Variants in FARS2 observed in about 807,000 individuals in gnomAD.
FARS2 encodes the protein phenylalanyl-tRNA synthetase 2, mitochondrial, also known as phenylalanine--tRNA ligase, mitochondrial.
FARS2 carries 40 observed loss-of-function variants against 46.4 expected under a neutral mutation model. That is an observed-to-expected ratio of 0.86 (90% CI 0.67 to 1.12). The LOEUF (loss-of-function observed/expected upper bound fraction) is 1.12. FARS2 is among the 50% of genes most tolerant of loss of function. FARS2 has a pLI of 0.00. For synonymous variants in FARS2, 234 were observed against 214.9 expected (o/e 1.09, Z -0.78); for missense variants, 513 against 567.9 (o/e 0.90, Z 0.98).
intron 1 of FARS2, among the ~76,000 whole-genome samples, chr6:5,365,009 A>G (rs949221109): frequency 4.6e-5 from 7 of 151,850 alleles, no homozygotes; most frequent in Non-Finnish European, 7.4e-5. Context: ...TGATCATCCC[A>G]CTGCACTCCA....
At chr6:5,563,593 T>G (rs1772142280) in intron 5 of FARS2, among the ~76,000 whole-genome samples, 1 of 152,136 alleles carries the variant, frequency 6.6e-6, no homozygotes, top group African/African-American at 2.4e-5. Flanking sequence ...TACTTCCTGC[T>G]GAAAAGGGGT....
At chr6:5,393,154 G>C (rs1360586879) in intron 2 of FARS2, among the ~76,000 whole-genome samples, 1 of 151,788 alleles carries the variant, frequency 6.6e-6, no homozygotes, top group Non-Finnish European at 1.5e-5. Context: ...ATTTCTGATT[G>C]ATCTATTGAA....
intron 1 of FARS2, among the ~76,000 whole-genome samples, chr6:5,308,892 G>A (rs1381704886): frequency 6.6e-6 from 1 of 152,150 alleles, no homozygotes; most frequent in African/African-American, 2.4e-5. Flanking sequence ...AGGGCTTTCT[G>A]GTTCATAGAT....
intron 4 of FARS2, among the ~76,000 whole-genome samples, chr6:5,497,835 A>G (rs957314638): frequency 6.6e-6 from 1 of 152,214 alleles, no homozygotes; most frequent in African/African-American, 2.4e-5. Flanking sequence ...TAAATAAGTA[A>G]TTCATTAACC....
intron 1 of FARS2, among the ~76,000 whole-genome samples, chr6:5,348,280 A>G (rs1757361026): frequency 6.6e-6 from 1 of 151,992 alleles, no homozygotes; most frequent in South Asian, 2.1e-4. Context: ...TTATTGTACA[A>G]GCTGCACATT....
chr6:5,450,711 C>T (rs115736557), intron 4 of FARS2, among the ~76,000 whole-genome samples: 1 of 151,744 alleles, frequency 6.6e-6, no homozygotes, highest in Non-Finnish European at 1.5e-5. Context: ...GCCTGTTAGT[C>T]CAGGCACAAG....
intron 5 of FARS2, among the ~76,000 whole-genome samples, chr6:5,583,018 G>T (rs979171025): frequency 3.9e-5 from 6 of 152,086 alleles, no homozygotes; most frequent in East Asian, 3.8e-4. Context: ...GTGCTGTGGT[G>T]GTGTGTCTGA....
At chr6:5,514,087 G>C (rs1442458167) in intron 4 of FARS2, among the ~76,000 whole-genome samples, 2 of 109,546 alleles carry the variant, frequency 1.8e-5, no homozygotes, top group African/African-American at 7.8e-5. Flanking sequence ...TAAAAATCTG[G>C]ACATATATAT....
intron 6 of FARS2, among the ~76,000 whole-genome samples, chr6:5,768,279 A>G (rs372943400): frequency 6.2e-4 from 94 of 152,336 alleles, no homozygotes; most frequent in East Asian, 5.8e-3. Context: ...TCTCATATCT[A>G]TATATTATGA....
intron 1 of FARS2, among the ~76,000 whole-genome samples, chr6:5,351,412 T>G (rs1757564535): frequency 6.6e-6 from 1 of 152,216 alleles, no homozygotes; most frequent in African/African-American, 2.4e-5. Context: ...CACAGTTCTA[T>G]GACAACTGGA....
intron 1 of FARS2, among the ~76,000 whole-genome samples, chr6:5,316,724 C>T (rs1769545723): frequency 6.6e-6 from 1 of 152,222 alleles, no homozygotes; most frequent in South Asian, 2.1e-4. Flanking sequence ...CCAGGAGTCT[C>T]ACCAGTGTCT....
chr6:5,303,377 G>T (rs1272858905), intron 1 of FARS2, among the ~76,000 whole-genome samples: 1 of 152,168 alleles, frequency 6.6e-6, no homozygotes, highest in Non-Finnish European at 1.5e-5. Flanking sequence ...AGTGGGACTG[G>T]TGCCTGGACT....
At chr6:5,444,232 G>C (rs1018690513) in intron 4 of FARS2, among the ~76,000 whole-genome samples, 4 of 151,940 alleles carry the variant, frequency 2.6e-5, no homozygotes, top group Non-Finnish European at 5.9e-5. Flanking sequence ...ACTTTGGGAG[G>C]CCAATGTGGG....
intron 6 of FARS2, among the ~76,000 whole-genome samples, chr6:5,759,156 G>T (rs896995017): frequency 6.6e-6 from 1 of 152,156 alleles, no homozygotes; most frequent in Non-Finnish European, 1.5e-5. Context: ...TTTAAACTCA[G>T]ATCACAGGGC....
chr6:5,548,874 G>A (rs985801939), intron 5 of FARS2, among the ~76,000 whole-genome samples: 15 of 152,008 alleles, frequency 9.9e-5, no homozygotes, highest in African/African-American at 2.7e-4. Context: ...AACTTCTAAC[G>A]GGGCAATTAG....
At chr6:5,394,374 A>C (rs972461899) in intron 2 of FARS2, among the ~76,000 whole-genome samples, 6 of 152,196 alleles carry the variant, frequency 3.9e-5, no homozygotes, top group Non-Finnish European at 5.9e-5. Flanking sequence ...ATGCTGTTAT[A>C]GATTTGTAGA....
intron 4 of FARS2, among the ~76,000 whole-genome samples, chr6:5,511,652 GGA>G (rs1187445371): frequency 1.3e-5 from 2 of 152,198 alleles, no homozygotes; most frequent in African/African-American, 4.8e-5. Flanking sequence ...TAATGTATTA[GGA>G]GGGCTATTGG....
At chr6:5,649,440 A>G (rs1777235547) in intron 6 of FARS2, among the ~76,000 whole-genome samples, 1 of 152,120 alleles carries the variant, frequency 6.6e-6, no homozygotes, top group Admixed American at 6.6e-5. Flanking sequence ...CAACCCTGGA[A>G]CCCTGAGGCA....
intron 1 of FARS2, among the ~76,000 whole-genome samples, chr6:5,333,169 G>C (rs1770918207): frequency 6.6e-6 from 1 of 152,088 alleles, no homozygotes; most frequent in Non-Finnish European, 1.5e-5. Context: ...AAAAGATTTT[G>C]GGAACAGTCA....
Sources: allele counts gnomAD v4.1 joint callset (sites outside exome capture counted in the v4.1 genomes callset), GRCh38; gene constraint gnomAD v4.1.1; transcripts MANE v1.5; gene names NCBI Gene and HGNC (gene_info 2026-07-23, HGNC 2026-07-21).